Variants in CIDEC observed in about 807,000 individuals in gnomAD.
The protein encoded by CIDEC is cell death inducing DFFA like effector c.
Under a neutral mutation model 21.9 loss-of-function variants are expected in CIDEC, and 11 were observed. The observed-to-expected ratio is 0.50, with a 90% CI of 0.32 to 0.83. The LOEUF (loss-of-function observed/expected upper bound fraction) is 0.83, where lower values mean the gene tolerates loss of function less well. CIDEC is among the 40% of genes least tolerant of loss of function. The pLI, the probability that CIDEC is intolerant of heterozygous loss-of-function variation, is 0.04. For missense variants in CIDEC, 302 were observed against 302.3 expected, an observed-to-expected ratio of 1.00 and a Z score of 0.01; for synonymous variants, 127 against 124.9, an observed-to-expected ratio of 1.02 and a Z score of -0.11.
intron 1 of CIDEC, among the ~76,000 whole-genome samples, chr3:9,879,261 C>G (rs1311013910): frequency 6.6e-6 from 1 of 151,128 alleles, no homozygotes; most frequent in Non-Finnish European, 1.5e-5. Flanking sequence ...AAGCAATTAT[C>G]CTGCCTCAGC....
intron 4 of CIDEC, chr3:9,870,533 TAC>T: frequency 1.4e-6 from 2 of 1,398,540 alleles, no homozygotes; most frequent in Non-Finnish European, 2.0e-6. Flanking sequence ...TTAATTGTGA[TAC>T]AGTTTACATA....
chr3:9,870,155 G>A lies in CIDEC; in HGVS notation c.366+9C>T. On this transcript the variant is annotated intron_variant, in intron 5 of 6. Transcript: ENST00000336832. The stretch of plus-strand genomic sequence containing the variant: ...TCTCCCCCATCAGGTGCAACAGGTG[G>A]GACCTCACCTGTTCTGATGGGGGCT... 6.2e-7 allele frequency: 1 copy of A among 1,613,912 alleles called. No individual in the cohort carries two copies. Among genetic ancestry groups the A allele is most frequent in the South Asian group, 1.1e-5 (1 of 91,076 alleles).
chr3:9,869,755 T>A, intron 6 of CIDEC, 127 bp downstream of exon 6: 1 of 868,404 alleles, frequency 1.2e-6, no homozygotes, highest in Admixed American at 2.0e-5. Context: ...TGTTGTCTGA[T>A]ACAGGCTATG....
At chr3:9,877,316 A>C in intron 3 of CIDEC, 97 bp from the exon 4 acceptor site, 1 of 1,190,320 alleles carries the variant, frequency 8.4e-7, no homozygotes, top group Non-Finnish European at 1.2e-6. Flanking sequence ...GACTGGGCTC[A>C]TGATCAGTCA....
chr3:9,871,631 T>C (rs1489076413), intron 4 of CIDEC, among the ~76,000 whole-genome samples: 1 of 151,860 alleles, frequency 6.6e-6, no homozygotes, highest in Non-Finnish European at 1.5e-5. Flanking sequence ...AAATCCTTAT[T>C]TTTTTTTCTT....
At position 9,867,114 on chromosome 3, in the gene CIDEC, G is replaced by GA; in HGVS notation, c.*19_*20insT. The GA allele has an allele frequency of 6.2e-7, 1 of 1,612,470 alleles. No homozygotes were observed. Among genetic ancestry groups the GA allele is most frequent in the Non-Finnish European group, 8.5e-7 (1 of 1,179,888 alleles). The stretch of plus-strand genomic sequence containing the variant: ...CCCAGTCAGTCCTTCACTGGGGAAA[G>GA]CTTCCAAGGACTTGGGCTTTCACTG... On this transcript the variant is annotated 3_prime_UTR_variant, in exon 7 of 7. Coordinates refer to ENST00000336832, the MANE Select transcript of CIDEC (RefSeq NM_001321142.2).
chr3:9,873,763 T>G (rs1005540463), intron 4 of CIDEC, among the ~76,000 whole-genome samples: 1 of 152,230 alleles, frequency 6.6e-6, no homozygotes, highest in Admixed American at 6.5e-5. Flanking sequence ...GCAAATCACC[T>G]GGCAGATTAC....
At chr3:9,873,953 T>C (rs1453115204) in intron 4 of CIDEC, among the ~76,000 whole-genome samples, 1 of 152,066 alleles carries the variant, frequency 6.6e-6, no homozygotes, top group Non-Finnish European at 1.5e-5. Context: ...AATGAACATA[T>C]CTAGCTCCCT....
intron 6 of CIDEC, among the ~76,000 whole-genome samples, chr3:9,868,829 G>A (rs1291074549): frequency 2.2e-4 from 34 of 152,018 alleles, no homozygotes; most frequent in Non-Finnish European, 4.4e-4. Context: ...CTTTTTCTTC[G>A]TTTTAGAGAC....
intron 3 of CIDEC, 181 bp downstream of exon 3, chr3:9,878,253 A>AT (rs1256523271): frequency 4.6e-6 from 3 of 658,834 alleles, no homozygotes; most frequent in Non-Finnish European, 8.4e-6. Context: ...AAGCAGCAGC[A>AT]TTAATATCAC....
chr3:9,872,831 T>C (rs914438880), intron 4 of CIDEC, among the ~76,000 whole-genome samples: 12 of 152,070 alleles, frequency 7.9e-5, no homozygotes, highest in African/African-American at 2.9e-4. Flanking sequence ...CTACTAAAAT[T>C]ACAAAAAATT....
At chr3:9,870,790 C>T (rs2082337436) in intron 4 of CIDEC, among the ~76,000 whole-genome samples, 1 of 152,064 alleles carries the variant, frequency 6.6e-6, no homozygotes, top group African/African-American at 2.4e-5. Context: ...CAGTTGCATG[C>T]CATTACTACC....
At chr3:9,868,414 G>C (rs941028981) in intron 6 of CIDEC, among the ~76,000 whole-genome samples, 1 of 152,208 alleles carries the variant, frequency 6.6e-6, no homozygotes, top group African/African-American at 2.4e-5. Context: ...AACAGAACCT[G>C]AATCAGGCAG....
Position 9,871,575 on chromosome 3 carries a change from C to A in CIDEC, c.208-1253G>T, listed in dbSNP as rs142520352. The stretch of plus-strand genomic sequence containing the variant: ...ACTAGCAACGTATGAGAACTCCAGT[C>A]TCCTTACATCCTCACTGATGCTTTC... On this transcript the variant is annotated intron_variant, in intron 4 of 6. Transcript: ENST00000336832. Among the ~76,000 whole-genome samples the A allele has an allele frequency of 3.3e-5, 5 of 152,156 alleles. 1 individual carries two copies. Among genetic ancestry groups the A allele is most frequent in the Non-Finnish European group, 5.9e-5 (4 of 68,000 alleles).
chr3:9,870,376 T>G, intron 4 of CIDEC, 54 bp from the exon 5 acceptor site: 1 of 1,603,510 alleles, frequency 6.2e-7, no homozygotes, highest in Non-Finnish European at 8.5e-7. Flanking sequence ...TGGGCTGGAC[T>G]CTATGAGGTG....
At chr3:9,878,228 G>T in intron 3 of CIDEC, 1 of 613,978 alleles carries the variant, frequency 1.6e-6, no homozygotes, top group Non-Finnish European at 3.0e-6. Flanking sequence ...TTTATGCATG[G>T]TGTGGTGGTG....
rs1010812126 is a variant in CIDEC at position 9,879,073 on chromosome 3, G to A, written c.-138-19C>T. 3.6e-6 allele frequency: 2 copies of A among 554,262 alleles called. No homozygotes were observed. Among genetic ancestry groups the A allele is most frequent in the Admixed American group, 6.1e-5 (2 of 32,918 alleles). The allele number at this position is 554,262 out of a possible 1,614,324, so 34.3% of individuals were successfully genotyped here. A position where few individuals can be genotyped will look rare whatever the true frequency, so the allele number is the denominator to read the frequency against. On this transcript the variant is annotated intron_variant, in intron 1 of 6. Coordinates refer to ENST00000336832, the MANE Select transcript of CIDEC (RefSeq NM_001321142.2). ...GAACATTCTGTGATGATAGAGGCATGCCTTGTACATACTCTCCAATACCAT... is the reference window on the plus strand; with the variant it reads ...GAACATTCTGTGATGATAGAGGCATACCTTGTACATACTCTCCAATACCAT...
chr3:9,874,179 A>G (rs574456828), intron 4 of CIDEC, among the ~76,000 whole-genome samples: 5 of 152,214 alleles, frequency 3.3e-5, no homozygotes, highest in African/African-American at 1.2e-4. Flanking sequence ...CATGTATGCT[A>G]TTAAAATAGA....
In CIDEC at chr3:9,874,403, C is replaced by T. The variant is rs372550615; in HGVS notation, c.207+2663G>A. ...TGAGATCGTGTACCTATAGTCCTAGCGAGTCGGGAGGCTGAGGTGGCAGGA... is the reference window on the plus strand; with the variant it reads ...TGAGATCGTGTACCTATAGTCCTAGTGAGTCGGGAGGCTGAGGTGGCAGGA... On this transcript the variant is annotated intron_variant, in intron 4 of 6. Transcript: ENST00000336832. Among the ~76,000 whole-genome samples, 11 of 151,752 alleles carry T rather than the reference C, an allele frequency of 7.2e-5. No individual in the cohort carries two copies. In the South Asian group the frequency reaches 8.3e-4, roughly 12 times the overall value.
Sources: allele counts gnomAD v4.1 joint callset (sites outside exome capture counted in the v4.1 genomes callset), GRCh38; gene constraint gnomAD v4.1.1; transcripts MANE v1.5; gene names NCBI Gene and HGNC (gene_info 2026-07-23, HGNC 2026-07-21).